Variants in USP53 observed in about 807,000 individuals in gnomAD.
USP53 encodes the protein ubiquitin specific peptidase 53.
A neutral mutation model predicts 94.9 loss-of-function variants in USP53; 71 were observed. That is an observed-to-expected ratio of 0.75 (90% CI 0.62 to 0.91). USP53 has a LOEUF of 0.91. USP53 is among the 40% of genes least tolerant of loss of function. The pLI, the probability that USP53 is intolerant of heterozygous loss-of-function variation, is 0.00. For synonymous variants in USP53, 375 were observed against 422.7 expected, an observed-to-expected ratio of 0.89 and a Z score of 1.39; for missense variants, 1,173 against 1,281.0, an observed-to-expected ratio of 0.92 and a Z score of 1.29.
intron 7 of USP53, among the ~76,000 whole-genome samples, chr4:119,250,621 T>C (rs1223672803): frequency 1.3e-5 from 2 of 152,262 alleles, no homozygotes; most frequent in Non-Finnish European, 2.9e-5. Flanking sequence ...ATACATGATA[T>C]GATAATTCAC....
At chr4:119,260,931 C>A (rs1553970361) in intron 11 of USP53, among the ~76,000 whole-genome samples, 1 of 143,422 alleles carries the variant, frequency 7.0e-6, no homozygotes, top group Non-Finnish European at 1.5e-5. Context: ...TAAAATTCAT[C>A]TAAAGCACTG....
At chr4:119,230,615 G>A (rs1425522827) in intron 3 of USP53, among the ~76,000 whole-genome samples, 1 of 152,150 alleles carries the variant, frequency 6.6e-6, no homozygotes, top group African/African-American at 2.4e-5. Context: ...CATTCTCTAG[G>A]AGAGTCCTGA....
At chr4:119,243,366 C>T (rs1747800896) in intron 5 of USP53, among the ~76,000 whole-genome samples, 1 of 152,052 alleles carries the variant, frequency 6.6e-6, no homozygotes, top group African/African-American at 2.4e-5. Context: ...GGCGTGGTGG[C>T]AGGCACCTGT....
In USP53 at chr4:119,256,420, CAT is replaced by C. The variant is rs987250849; in HGVS notation, c.487-18_487-17del. On this transcript the variant is annotated intron_variant, in intron 8 of 18. Coordinates refer to ENST00000692078, the MANE Select transcript of USP53 (RefSeq NM_001371395.1). ...TCTGTTTTATGATTGATAGATTAAA[CAT>C]ATGTTTTTACCTATATAGTGTGTGT... 2.5e-6 allele frequency: 4 copies of C among 1,613,282 alleles called. No individual in the cohort carries two copies. The African/African-American group carries it at 5.3e-5, about 22-fold the overall frequency.
Position 119,271,630 on chromosome 4 carries a change from A to G in USP53, c.1770A>G (p.Thr590=), listed in dbSNP as rs781274638. Residue 590 remains threonine, a synonymous_variant, in exon 16 of 19, where the codon ACA becomes ACG. Coordinates refer to ENST00000692078, the MANE Select transcript of USP53 (RefSeq NM_001371395.1). The part of the protein sequence containing the change: ...RNRGWKPMRE[T]LNVDSIFSES... The stretch of plus-strand genomic sequence containing the variant: ...GAGGTTGGAAACCTATGAGAGAAAC[A>G]TTAAATGTTGATAGTATTTTTAGTG... The G allele has an allele frequency of 1.1e-5, 17 of 1,613,784 alleles. No homozygotes were observed. The Admixed American group carries it at 1.3e-4, about 13-fold the overall frequency.
chr4:119,287,121 G>C (rs1361952645), intron 17 of USP53, among the ~76,000 whole-genome samples: 1 of 152,074 alleles, frequency 6.6e-6, no homozygotes, highest in African/African-American at 2.4e-5. Context: ...AAGTAAAACT[G>C]TGTTTTTGAG....
At chr4:119,268,643 T>C (rs1253266249) in intron 14 of USP53, among the ~76,000 whole-genome samples, 1 of 152,242 alleles carries the variant, frequency 6.6e-6, no homozygotes, top group East Asian at 1.9e-4. Context: ...CAGACTGTGG[T>C]AGGCCTGAGG....
intron 3 of USP53, among the ~76,000 whole-genome samples, chr4:119,227,565 A>G (rs1292554335): frequency 6.6e-6 from 1 of 152,192 alleles, no homozygotes; most frequent in Non-Finnish European, 1.5e-5. Context: ...CGGGAGGCGG[A>G]GCTTGCAGTG....
chr4:119,270,509 G>A (rs533757094), intron 15 of USP53, among the ~76,000 whole-genome samples: 2 of 151,926 alleles, frequency 1.3e-5, no homozygotes, highest in Admixed American at 6.6e-5. Context: ...TATGTGTTTC[G>A]ATGTTTTAAC....
At chr4:119,260,035 G>C in intron 10 of USP53, 110 bp downstream of exon 10, 1 of 716,558 alleles carries the variant, frequency 1.4e-6, no homozygotes, top group Non-Finnish European at 2.1e-6. Flanking sequence ...TTAGCTTTAA[G>C]AATTTTTAAA....
chr4:119,212,780 G>C lies in USP53; in HGVS notation c.-1035G>C. 1 of 308,762 alleles carries C rather than the reference G, an allele frequency of 3.2e-6. No individual in the cohort carries two copies. Among genetic ancestry groups the C allele is most frequent in the South Asian group, 2.8e-5 (1 of 36,132 alleles). 19.1% of individuals were successfully genotyped at this position (308,762 alleles called of 1,614,324 possible). A position where few individuals can be genotyped will look rare whatever the true frequency, so the allele number is the denominator to read the frequency against. On this transcript the variant is annotated 5_prime_UTR_variant, in exon 1 of 19. Transcript: ENST00000692078. The stretch of plus-strand genomic sequence containing the variant: ...CTGGCGGGTGTCGGCGTGAAGCGGG[G>C]CTGGGCCAGCGGGAGGTAGCTCTGT...
intron 15 of USP53, among the ~76,000 whole-genome samples, chr4:119,270,394 T>C (rs995597739): frequency 2.0e-5 from 3 of 152,106 alleles, no homozygotes; most frequent in African/African-American, 7.2e-5. Context: ...AGACCTATTA[T>C]ATTTTATATA....
intron 5 of USP53, among the ~76,000 whole-genome samples, chr4:119,245,011 A>C (rs1272435684): frequency 1.3e-5 from 2 of 152,156 alleles, no homozygotes; most frequent in Admixed American, 6.5e-5. Context: ...GTCTCTGCCA[A>C]CTTCTCTATT....
intron 7 of USP53, among the ~76,000 whole-genome samples, chr4:119,254,114 T>C (rs1423893252): frequency 6.6e-6 from 1 of 152,240 alleles, no homozygotes; most frequent in Non-Finnish European, 1.5e-5. Context: ...CTTCTCTTTG[T>C]GGGTAACCTG....
Position 119,293,100 on chromosome 4 carries a change from C to T in USP53, c.3111C>T (p.Thr1037=), listed in dbSNP as rs1240262197. 1 of 1,614,036 alleles carries T rather than the reference C, an allele frequency of 6.2e-7. No individual in the cohort carries two copies. The highest frequency in any genetic ancestry group is 1.7e-5 in the Admixed American group (1 of 60,002). The change falls in exon 19 of 19, where the codon ACC becomes ACT. Residue 1037 remains threonine (T), a synonymous_variant. Coordinates refer to ENST00000692078, the MANE Select transcript of USP53 (RefSeq NM_001371395.1). ...TCPNETVSLT[T]YFSVDSCMTD... Reference sequence around the variant, plus strand: ...CAAATGAGACAGTTTCATTAACTACCTATTTTTCAGTTGATAGCTGCATGA... The same window carrying T: ...CAAATGAGACAGTTTCATTAACTACTTATTTTTCAGTTGATAGCTGCATGA...
chr4:119,258,925 A>G (rs1341790468), intron 9 of USP53, among the ~76,000 whole-genome samples: 1 of 152,190 alleles, frequency 6.6e-6, no homozygotes, highest in African/African-American at 2.4e-5. Context: ...AAGGAGGTTG[A>G]ATAAAAAGTA....
chr4:119,266,263 A>T, intron 12 of USP53: 1 of 456,178 alleles, frequency 2.2e-6, no homozygotes, highest in Non-Finnish European at 4.4e-6. Context: ...TTGAAGTATG[A>T]GTAATCTGTG....
chr4:119,257,999 C>T (rs6837898), intron 9 of USP53, among the ~76,000 whole-genome samples: 41,672 of 152,050 alleles, frequency 0.27, 6,008 homozygotes, highest in East Asian at 0.38. Flanking sequence ...CAGGAGTGCA[C>T]GCTTTGAATT....
chr4:119,213,660 A>ATATATATGTGTG, intron 1 of USP53, among the ~76,000 whole-genome samples: 6 of 117,786 alleles, frequency 5.1e-5, no homozygotes, highest in African/African-American at 1.8e-4. Flanking sequence ...ATATATATAT[A>ATATATATGTGTG]TGTGTGTGTG....
Sources: allele counts gnomAD v4.1 joint callset (sites outside exome capture counted in the v4.1 genomes callset), GRCh38; gene constraint gnomAD v4.1.1; transcripts MANE v1.5; gene names NCBI Gene and HGNC (gene_info 2026-07-23, HGNC 2026-07-21).